Variants in RAPGEF6 observed in about 807,000 individuals in gnomAD.
RAPGEF6 encodes the protein PDZ domain containing guanine nucleotide exchange factor (GEF) 2.
A neutral mutation model predicts 171.4 loss-of-function variants in RAPGEF6; 56 were observed. That is an observed-to-expected ratio of 0.33 (90% confidence interval 0.26 to 0.41). The LOEUF is 0.41. Ranked by LOEUF, RAPGEF6 falls within the 10% of genes least tolerant of loss-of-function variation. RAPGEF6 has a pLI of 1.00. For synonymous variants in RAPGEF6, 692 were observed against 650.1 expected (o/e 1.06, Z -0.98); for missense variants, 1,674 against 1,921.4 (o/e 0.87, Z 2.41).
At chr5:131,428,602 A>G (rs1198044504) in intron 27 of RAPGEF6, among the ~76,000 whole-genome samples, 1 of 152,008 alleles carries the variant, frequency 6.6e-6, no homozygotes, top group Non-Finnish European at 1.5e-5. Flanking sequence ...CTGGGATTAC[A>G]GGCATGCGCC....
intron 24 of RAPGEF6, chr5:131,436,254 A>G (rs375935116): frequency 1.1e-4 from 167 of 1,537,358 alleles, no homozygotes; most frequent in Non-Finnish European, 1.4e-4. Flanking sequence ...TGGCCTTCTC[A>G]GTACTGTCTG....
chr5:131,515,928 A>C (rs1176191818), intron 7 of RAPGEF6, among the ~76,000 whole-genome samples: 1 of 152,170 alleles, frequency 6.6e-6, no homozygotes, highest in Non-Finnish European at 1.5e-5. Context: ...AACAGTGAAG[A>C]ATTAAAGCTT....
At chr5:131,453,247 G>A (rs910421629) in intron 20 of RAPGEF6, 70 bp from the exon 21 acceptor site, 3 of 1,493,060 alleles carry the variant, frequency 2.0e-6, no homozygotes, top group Non-Finnish European at 2.7e-6. Context: ...AAGTCAAGCT[G>A]GTAATCTTGA....
intron 1 of RAPGEF6, among the ~76,000 whole-genome samples, chr5:131,626,343 AT>A (rs753521852): frequency 2.6e-4 from 40 of 151,968 alleles, no homozygotes; most frequent in African/African-American, 9.4e-4. Flanking sequence ...AATAGCTGTG[AT>A]TTTTTTTCCC....
chr5:131,611,445 G>A (rs1764929206), intron 1 of RAPGEF6, among the ~76,000 whole-genome samples: 1 of 152,196 alleles, frequency 6.6e-6, no homozygotes, highest in African/African-American at 2.4e-5. Flanking sequence ...CAAAGTGAGT[G>A]GAGATCAACT....
intron 21 of RAPGEF6, among the ~76,000 whole-genome samples, chr5:131,448,753 C>A (rs1475040754): frequency 6.6e-6 from 1 of 152,098 alleles, no homozygotes; most frequent in Non-Finnish European, 1.5e-5. Flanking sequence ...TACAGTGTAA[C>A]CCTAAAGCTG....
At chr5:131,595,100 G>A (rs903435716) in intron 3 of RAPGEF6, among the ~76,000 whole-genome samples, 1 of 152,096 alleles carries the variant, frequency 6.6e-6, no homozygotes, top group African/African-American at 2.4e-5. Context: ...GGAATAATAT[G>A]GTTTGGCTCT....
At chr5:131,508,329 G>C in intron 8 of RAPGEF6, 122 bp from the exon 9 acceptor site, 1 of 982,392 alleles carries the variant, frequency 1.0e-6, no homozygotes, top group Non-Finnish European at 1.5e-6. Context: ...TGCTAAAGTA[G>C]AGAAACTAAG....
chr5:131,460,536 C>A (rs900004670), intron 19 of RAPGEF6, among the ~76,000 whole-genome samples: 1 of 152,154 alleles, frequency 6.6e-6, no homozygotes, highest in African/African-American at 2.4e-5. Context: ...TTCTAGCCTT[C>A]CAAGTGTTTA....
chr5:131,597,571 A>G (rs1432641603), intron 3 of RAPGEF6, among the ~76,000 whole-genome samples: 1 of 152,176 alleles, frequency 6.6e-6, no homozygotes, highest in Non-Finnish European at 1.5e-5. Flanking sequence ...GAACTGGAGG[A>G]TATTATGTTA....
In RAPGEF6 at chr5:131,439,678, T is replaced by C; in HGVS notation, c.3648A>G (p.Glu1216=). 1.2e-6 allele frequency: 2 copies of C among 1,612,504 alleles called. No homozygotes were observed. The highest frequency in any genetic ancestry group is 1.7e-6 in the Non-Finnish European group (2 of 1,179,582). Residue 1216 remains glutamate (E), a synonymous_variant, in exon 24 of 28, where the codon GAA becomes GAG. Transcript: ENST00000509018. ...CTGTATGCTTCTTACCACTTATTTC[T>C]TCAGTTGTTCCTAAAACTTTCTGAG... The part of the protein sequence containing the change: ...SLPQKVLGTT[E]EISGKKHTED...
intron 17 of RAPGEF6, chr5:131,472,038 T>A (rs1421564072): frequency 2.5e-5 from 4 of 158,732 alleles, no homozygotes; most frequent in Non-Finnish European, 5.6e-5. Context: ...AAAAGATACC[T>A]AATTCTGTGG....
intron 6 of RAPGEF6, among the ~76,000 whole-genome samples, chr5:131,530,874 C>T (rs557528678): frequency 2.0e-5 from 3 of 152,314 alleles, no homozygotes; most frequent in South Asian, 2.1e-4. Context: ...GTCTCACTCA[C>T]TTCCTTTCTA....
At chr5:131,434,628 C>G (rs936777837) in intron 24 of RAPGEF6, among the ~76,000 whole-genome samples, 2 of 152,138 alleles carry the variant, frequency 1.3e-5, no homozygotes, top group African/African-American at 4.8e-5. Flanking sequence ...TATTAAACAG[C>G]TGAGTGGATA....
intron 14 of RAPGEF6, among the ~76,000 whole-genome samples, chr5:131,492,257 T>G (rs1288777148): frequency 6.6e-6 from 1 of 152,166 alleles, no homozygotes; most frequent in Non-Finnish European, 1.5e-5. Context: ...ATTCATATAT[T>G]GATCGTTCTG....
At chr5:131,547,666 CA>C (rs1299692507) in intron 6 of RAPGEF6, among the ~76,000 whole-genome samples, 4 of 151,978 alleles carry the variant, frequency 2.6e-5, no homozygotes, top group Non-Finnish European at 5.9e-5. Context: ...TGCACTACCA[CA>C]CCTGGCTAAT....
chr5:131,459,598 T>G (rs532568830), intron 19 of RAPGEF6, among the ~76,000 whole-genome samples: 2 of 152,292 alleles, frequency 1.3e-5, no homozygotes, highest in South Asian at 4.1e-4. Flanking sequence ...CTGTTTTAAA[T>G]AGCCAAAGTC....
intron 11 of RAPGEF6, among the ~76,000 whole-genome samples, chr5:131,500,981 C>A (rs1461076269): frequency 1.3e-5 from 2 of 152,000 alleles, no homozygotes; most frequent in Non-Finnish European, 2.9e-5. Flanking sequence ...AGGCCAGGTG[C>A]GGTGGCTCAC....
intron 6 of RAPGEF6, among the ~76,000 whole-genome samples, chr5:131,524,007 T>C (rs191969980): frequency 3.9e-4 from 60 of 152,232 alleles, no homozygotes; most frequent in Admixed American, 1.8e-3. Flanking sequence ...CAGAAGACAA[T>C]TGAGTGATAT....
Sources: gnomAD v4.1 joint callset for allele counts (sites outside exome capture counted in the v4.1 genomes callset) on GRCh38, gnomAD v4.1.1 for gene constraint, MANE v1.5 for transcripts, NCBI Gene and HGNC (gene_info 2026-07-23, HGNC 2026-07-21) for gene names.